HPSE2: variants seen among roughly 807,000 people sequenced by gnomAD.
HPSE2 encodes inactive heparanase-2.
HPSE2 carries 38 observed loss-of-function variants against 60.5 expected under a neutral mutation model. The ratio of observed to expected loss-of-function variants is 0.63; its 90% confidence interval spans 0.48 to 0.82. The LOEUF (loss-of-function observed/expected upper bound fraction) is 0.82. HPSE2 is among the 40% of genes least tolerant of loss of function. HPSE2 has a pLI of 0.00. For missense variants in HPSE2, 713 were observed against 740.4 expected (o/e 0.96, Z 0.43); for synonymous variants, 295 against 293.2 (o/e 1.01, Z -0.06).
chr10:98,495,099 T>C (rs371293295), intron 9 of HPSE2, among the ~76,000 whole-genome samples: 121 of 152,280 alleles, frequency 7.9e-4, no homozygotes, highest in African/African-American at 2.1e-3. Context: ...AGCTTTTCTT[T>C]ATTTGAGAAT....
chr10:99,299,257 TGAGGAAG>T, the HPSE2 span, among the ~76,000 whole-genome samples: 1 of 152,114 alleles, frequency 6.6e-6, no homozygotes. Context: ...CCCCATTGCC[TGAGGAAG>T]TAAGCCGGAC....
At chr10:98,717,810 A>G (rs965632337) in intron 5 of HPSE2, among the ~76,000 whole-genome samples, 1 of 152,150 alleles carries the variant, frequency 6.6e-6, no homozygotes, top group South Asian at 2.1e-4. Context: ...GAAGTGAGGT[A>G]CTACAAACCT....
chr10:99,012,505 A>G (rs1481483739), intron 3 of HPSE2, among the ~76,000 whole-genome samples: 1 of 152,136 alleles, frequency 6.6e-6, no homozygotes, highest in Non-Finnish European at 1.5e-5. Context: ...GGGAGAAAGT[A>G]TAAAATGGCA....
chr10:98,613,577 G>C (rs1233094030), intron 9 of HPSE2, among the ~76,000 whole-genome samples: 1 of 152,204 alleles, frequency 6.6e-6, no homozygotes, highest in African/African-American at 2.4e-5. Flanking sequence ...TTGGGGAATG[G>C]AGGGAGTGGT....
chr10:98,669,469 A>G (rs1347928894), intron 6 of HPSE2, among the ~76,000 whole-genome samples: 1 of 152,268 alleles, frequency 6.6e-6, no homozygotes, highest in Admixed American at 6.5e-5. Context: ...AACAGCAAAG[A>G]CAGGAAATCA....
At chr10:98,489,002 A>T (rs1941545240) in intron 10 of HPSE2, among the ~76,000 whole-genome samples, 2 of 152,118 alleles carry the variant, frequency 1.3e-5, no homozygotes, top group African/African-American at 4.8e-5. Context: ...AAGCAGAAGG[A>T]GCATCTGTTG....
intron 6 of HPSE2, among the ~76,000 whole-genome samples, chr10:98,674,172 C>G (rs1947577523): frequency 6.6e-6 from 1 of 152,184 alleles, no homozygotes; most frequent in African/African-American, 2.4e-5. Flanking sequence ...AATGTTATTT[C>G]TTACCTTTTA....
chr10:98,773,971 A>T (rs1266160095), intron 3 of HPSE2, among the ~76,000 whole-genome samples: 1 of 152,064 alleles, frequency 6.6e-6, no homozygotes, highest in Non-Finnish European at 1.5e-5. Context: ...TGGGAGGATC[A>T]CTTGAGCCCA....
At chr10:98,577,145 C>T (rs1004280570) in intron 9 of HPSE2, among the ~76,000 whole-genome samples, 8 of 150,870 alleles carry the variant, frequency 5.3e-5, no homozygotes. Context: ...TCCATGATAC[C>T]CACCGAGAAT....
chr10:99,299,195 C>G, the HPSE2 span, among the ~76,000 whole-genome samples: 2 of 152,074 alleles, frequency 1.3e-5, no homozygotes, highest in African/African-American at 4.8e-5. Context: ...GAATTCTACT[C>G]CAAAGTCATC....
chr10:98,933,965 C>T (rs1954716246), intron 3 of HPSE2, among the ~76,000 whole-genome samples: 1 of 143,342 alleles, frequency 7.0e-6, no homozygotes, highest in South Asian at 2.1e-4. Flanking sequence ...ATCTCCTGAC[C>T]TTGTGATCTG....
chr10:98,779,220 T>C (rs1777511020), intron 3 of HPSE2, among the ~76,000 whole-genome samples: 1 of 152,172 alleles, frequency 6.6e-6, no homozygotes, highest in Non-Finnish European at 1.5e-5. Context: ...GATTCAGAGA[T>C]AAATTATTTA....
At chr10:98,765,428 GA>G (rs1467033459) in intron 3 of HPSE2, among the ~76,000 whole-genome samples, 3 of 152,140 alleles carry the variant, frequency 2.0e-5, no homozygotes, top group African/African-American at 7.2e-5. Flanking sequence ...AGACAAGTCA[GA>G]AGGGAAATCA....
chr10:99,036,839 A>G (rs1038571570), intron 3 of HPSE2, among the ~76,000 whole-genome samples: 1 of 152,178 alleles, frequency 6.6e-6, no homozygotes, highest in Non-Finnish European at 1.5e-5. Context: ...CATGGGGTGA[A>G]GCTTAATTCC....
intron 3 of HPSE2, among the ~76,000 whole-genome samples, chr10:99,097,767 CTAGA>C (rs1393817663): frequency 1.3e-5 from 2 of 152,152 alleles, no homozygotes; most frequent in Admixed American, 1.3e-4. Flanking sequence ...ATCCTACGAA[CTAGA>C]TAGAAATTAT....
chr10:98,890,526 GA>G (rs1300749270), intron 3 of HPSE2, among the ~76,000 whole-genome samples: 1 of 152,062 alleles, frequency 6.6e-6, no homozygotes, highest in East Asian at 1.9e-4. Flanking sequence ...AGAAAAGATG[GA>G]AAACTGTAGT....
chr10:99,022,842 G>A (rs192528600), intron 3 of HPSE2, among the ~76,000 whole-genome samples: 30 of 152,234 alleles, frequency 2.0e-4, no homozygotes, highest in Non-Finnish European at 4.0e-4. Flanking sequence ...AACTAGCAGC[G>A]ATAGCCAGGT....
intron 9 of HPSE2, among the ~76,000 whole-genome samples, chr10:98,513,337 T>C (rs547122396): frequency 6.6e-6 from 1 of 152,296 alleles, no homozygotes; most frequent in South Asian, 2.1e-4. Context: ...AGGCATTAGC[T>C]CAGTTGGGGT....
intron 5 of HPSE2, among the ~76,000 whole-genome samples, chr10:98,720,246 T>C (rs1244731759): frequency 6.6e-6 from 1 of 152,112 alleles, no homozygotes; most frequent in Non-Finnish European, 1.5e-5. Flanking sequence ...ACGGCTTCCA[T>C]GTCTGGGTCT....
Sources: allele counts gnomAD v4.1 joint callset (sites outside exome capture counted in the v4.1 genomes callset), GRCh38; gene constraint gnomAD v4.1.1; transcripts MANE v1.5; gene names NCBI Gene and HGNC (gene_info 2026-07-23, HGNC 2026-07-21).